The following CACNA2D3 variants were observed in gnomAD, a reference collection of about 807,000 sequenced individuals.
The protein encoded by CACNA2D3 is voltage-dependent calcium channel subunit alpha-2/delta-3.
A neutral mutation model predicts 160.6 loss-of-function variants in CACNA2D3; 60 were observed. The ratio of observed to expected loss-of-function variants is 0.37; its 90% CI spans 0.30 to 0.46. The LOEUF (loss-of-function observed/expected upper bound fraction) is 0.46. Among genes scored for constraint, CACNA2D3 ranks in the 20% least tolerant of loss-of-function variants. The probability of loss-of-function intolerance (pLI) is 1.00; values close to 1 mark genes in which losing one functional copy is unlikely to be tolerated. For missense variants in CACNA2D3, 1,205 were observed against 1,365.0 expected, an observed-to-expected ratio of 0.88 and a Z score of 1.85; for synonymous variants, 558 against 492.9, an observed-to-expected ratio of 1.13 and a Z score of -1.75.
chr3:54,850,250 A>G (rs4496446), intron 17 of CACNA2D3, among the ~76,000 whole-genome samples: 13,304 of 152,198 alleles, frequency 0.087, 1,945 homozygotes, highest in African/African-American at 0.3. Context: ...CTGATGAAGT[A>G]ATCTTCAAAG....
intron 5 of CACNA2D3, among the ~76,000 whole-genome samples, chr3:54,508,426 T>G (rs913792719): frequency 2.0e-5 from 3 of 152,158 alleles, no homozygotes; most frequent in Non-Finnish European, 4.4e-5. Context: ...TGAGAGCCCT[T>G]GGGCCTGGGG....
chr3:54,896,420 T>C (rs770055950), intron 25 of CACNA2D3, among the ~76,000 whole-genome samples: 2 of 152,198 alleles, frequency 1.3e-5, no homozygotes, highest in Non-Finnish European at 2.9e-5. Flanking sequence ...GACAAAGCTT[T>C]CTTGTTTAGA....
chr3:54,504,854 G>A (rs1025849232), intron 5 of CACNA2D3, among the ~76,000 whole-genome samples: 3 of 152,270 alleles, frequency 2.0e-5, no homozygotes, highest in East Asian at 1.9e-4. Flanking sequence ...TGCTGCCTCC[G>A]TCAGAGGGTT....
At chr3:54,307,327 C>T (rs1234790574) in intron 2 of CACNA2D3, among the ~76,000 whole-genome samples, 1 of 151,874 alleles carries the variant, frequency 6.6e-6, no homozygotes, top group African/African-American at 2.4e-5. Context: ...ATAAGAATAC[C>T]CTCATTTTTA....
intron 5 of CACNA2D3, among the ~76,000 whole-genome samples, chr3:54,506,074 C>G (rs1447956156): frequency 1.3e-5 from 2 of 152,108 alleles, no homozygotes; most frequent in Non-Finnish European, 2.9e-5. Flanking sequence ...TTGTCTCAGC[C>G]AGGCAGTGAA....
intron 2 of CACNA2D3, among the ~76,000 whole-genome samples, chr3:54,201,071 T>C (rs1373356684): frequency 6.6e-6 from 1 of 152,232 alleles, no homozygotes; most frequent in Non-Finnish European, 1.5e-5. Context: ...AGACGCTCTG[T>C]AAATGTGAAA....
chr3:54,963,626 G>A (rs1007817693), intron 27 of CACNA2D3, among the ~76,000 whole-genome samples: 1 of 152,188 alleles, frequency 6.6e-6, no homozygotes, highest in Admixed American at 6.5e-5. Flanking sequence ...CAAGCATGCC[G>A]ATCATTGGTA....
intron 30 of CACNA2D3, among the ~76,000 whole-genome samples, chr3:54,986,055 C>T (rs1448459867): frequency 6.6e-6 from 1 of 152,126 alleles, no homozygotes; most frequent in Non-Finnish European, 1.5e-5. Flanking sequence ...GGAACATAGG[C>T]ATTCAAGAAT....
chr3:54,895,838 T>C (rs746250511), intron 25 of CACNA2D3, among the ~76,000 whole-genome samples: 6 of 152,196 alleles, frequency 3.9e-5, no homozygotes, highest in Non-Finnish European at 8.8e-5. Context: ...AGAGGGAATG[T>C]CAGGTCAATA....
chr3:54,251,756 A>C (rs1299407578), intron 2 of CACNA2D3, among the ~76,000 whole-genome samples: 2 of 152,230 alleles, frequency 1.3e-5, no homozygotes, highest in Non-Finnish European at 2.9e-5. Flanking sequence ...GTTACCTTGG[A>C]ACATGAGTAA....
chr3:54,946,669 G>T (rs1011823390), intron 27 of CACNA2D3, among the ~76,000 whole-genome samples: 1 of 152,096 alleles, frequency 6.6e-6, no homozygotes, highest in East Asian at 1.9e-4. Flanking sequence ...AACCTGGGGG[G>T]AGCTAGCATT....
chr3:54,776,692 C>A (rs1044870683), intron 13 of CACNA2D3, among the ~76,000 whole-genome samples: 1 of 152,142 alleles, frequency 6.6e-6, no homozygotes, highest in Non-Finnish European at 1.5e-5. Context: ...GAGCTCTGAT[C>A]CTAACTCTCA....
chr3:54,799,020 G>T lies in CACNA2D3; in HGVS notation c.1381-17833G>T, dbSNP rs2694104. Among the ~76,000 whole-genome samples, 646 of 152,262 alleles carry T rather than the reference G, an allele frequency of 4.2e-3. 1 individual carries two copies. Among genetic ancestry groups the T allele is most frequent in the Middle Eastern group, 0.017 (5 of 294 alleles). On this transcript the variant is annotated intron_variant, in intron 13 of 37. Coordinates refer to ENST00000474759, the MANE Select transcript of CACNA2D3 (RefSeq NM_018398.3). ...AATCAAAACATGTCATTTTAATTGT[G>T]CTAATAGTTTATGAAAGTGGTGATT...
chr3:54,465,275 G>A (rs1243190049), intron 4 of CACNA2D3, among the ~76,000 whole-genome samples: 1 of 151,298 alleles, frequency 6.6e-6, no homozygotes, highest in African/African-American at 2.4e-5. Context: ...TTTCCTGTTT[G>A]ATTACTTTAT....
intron 11 of CACNA2D3, among the ~76,000 whole-genome samples, chr3:54,670,192 AC>A (rs1318681653): frequency 6.6e-6 from 1 of 152,080 alleles, no homozygotes; most frequent in African/African-American, 2.4e-5. Flanking sequence ...ATTTGGACAT[AC>A]ATTTTCCTAT....
At position 54,394,454 on chromosome 3, in the gene CACNA2D3, T is replaced by A. The variant is rs1462166292; in HGVS notation, c.381+7680T>A. On this transcript the variant is annotated intron_variant, in intron 4 of 37. Coordinates refer to ENST00000474759, the MANE Select transcript of CACNA2D3 (RefSeq NM_018398.3). ...ATCTAGCATTAGGTATATCTCCCAA[T>A]GCTATCCCTCCTCCCTCCCCCGACC... Among the ~76,000 whole-genome samples, 293 of 145,224 alleles carry A rather than the reference T, an allele frequency of 2.0e-3. 2 individuals carry two copies. Among genetic ancestry groups the A allele is most frequent in the African/African-American group, 7.4e-3 (283 of 38,406 alleles).
At chr3:54,201,141 C>G in intron 2 of CACNA2D3, among the ~76,000 whole-genome samples, 1 of 152,116 alleles carries the variant, frequency 6.6e-6, no homozygotes, top group Non-Finnish European at 1.5e-5. Flanking sequence ...TTCATAATTT[C>G]GGAATACTGA....
chr3:54,232,613 A>T (rs1369708724), intron 2 of CACNA2D3, among the ~76,000 whole-genome samples: 2 of 151,818 alleles, frequency 1.3e-5, no homozygotes, highest in African/African-American at 4.8e-5. Context: ...ACATTCCCCA[A>T]CTCCACCATG....
At chr3:54,166,832 C>T (rs1292103106) in intron 2 of CACNA2D3, among the ~76,000 whole-genome samples, 1 of 152,190 alleles carries the variant, frequency 6.6e-6, no homozygotes, top group Non-Finnish European at 1.5e-5. Context: ...TTGCAGACTT[C>T]ATGGTCTGAA....
Sources: gnomAD v4.1 joint callset for allele counts (sites outside exome capture counted in the v4.1 genomes callset) on GRCh38, gnomAD v4.1.1 for gene constraint, MANE v1.5 for transcripts, NCBI Gene and HGNC (gene_info 2026-07-23, HGNC 2026-07-21) for gene names.